TRIML2: variants seen among roughly 807,000 people sequenced by gnomAD.
TRIML2 encodes probable E3 ubiquitin-protein ligase TRIML2.
TRIML2 carries 28 observed loss-of-function variants against 31.2 expected under a neutral mutation model. The observed-to-expected ratio is 0.90, with a 90% CI of 0.66 to 1.23. The LOEUF is 1.23. Among genes scored for constraint, TRIML2 ranks in the 50% most tolerant of loss-of-function variants. The probability of loss-of-function intolerance (pLI) is 0.00; values close to 1 mark genes in which losing one functional copy is unlikely to be tolerated. For synonymous variants in TRIML2, 187 were observed against 197.5 expected (o/e 0.95, Z 0.45); for missense variants, 536 against 528.3 (o/e 1.01, Z -0.14).
At chr4:188,103,000 TC>T (rs1733865133) in intron 3 of TRIML2, among the ~76,000 whole-genome samples, 1 of 145,282 alleles carries the variant, frequency 6.9e-6, no homozygotes, top group Non-Finnish European at 1.5e-5. Flanking sequence ...GCTTTTACTC[TC>T]TTGGTTTTTT....
At chr4:188,092,389 A>G (rs1047617460) in intron 7 of TRIML2, among the ~76,000 whole-genome samples, 1 of 150,894 alleles carries the variant, frequency 6.6e-6, no homozygotes, top group Non-Finnish European at 1.5e-5. Context: ...TGAACCCAGG[A>G]GGCGGAGATT....
chr4:188,102,849 C>CA (rs566736942), intron 3 of TRIML2, among the ~76,000 whole-genome samples: 1,882 of 83,244 alleles, frequency 0.023, 41 homozygotes, highest in African/African-American at 0.071. Flanking sequence ...AACTTCATCT[C>CA]AAAAAAAAAA....
Position 188,091,742 on chromosome 4 carries a change from C to T in TRIML2, c.945G>A (p.Arg315=). ...YWEVDVEKAT[R]WQVGIYHGSA... ...AGCCGTGGTATATGCCCACTTGCCA[C>T]CTGGTTGCCTTTTCCACGTCCACCT... is the stretch of plus-strand genomic sequence containing the variant. The change falls in exon 8 of 8, where the codon AGG becomes AGA. Residue 315 remains arginine, a synonymous_variant. Transcript: ENST00000682553. 6.2e-7 allele frequency: 1 copy of T among 1,614,096 alleles called. No homozygotes were observed. Among genetic ancestry groups the T allele is most frequent in the Non-Finnish European group, 8.5e-7 (1 of 1,180,020 alleles).
intron 5 of TRIML2, among the ~76,000 whole-genome samples, chr4:188,097,827 A>T (rs970293084): frequency 6.6e-6 from 1 of 152,192 alleles, no homozygotes; most frequent in Admixed American, 6.5e-5. Flanking sequence ...GGACAGTCTT[A>T]AAAAGATAGT....
chr4:188,098,947 T>C lies in TRIML2; in HGVS notation c.621+88A>G, dbSNP rs748031153. 3.5e-6 allele frequency: 5 copies of C among 1,442,186 alleles called. No individual in the cohort carries two copies. In the East Asian group the frequency reaches 1.2e-4, roughly 34 times the overall value. 89.3% of individuals were successfully genotyped at this position (1,442,186 alleles called of 1,614,324 possible). ...TGGTTGAAGATCATTGGATATTGTG[T>C]TCTGACAGCAACCCCTAATGAGTAC... On this transcript the variant is annotated intron_variant, in intron 5 of 7. Transcript: ENST00000682553.
In TRIML2 at chr4:188,101,141, G is replaced by C; in HGVS notation, c.395C>G (p.Ser132Cys). Reference sequence around the variant, plus strand: ...AAGGGTTTCTCTCAGGTTCAAGTCAGATATGCATTCCTGCTGTCTCTGGAG... The same window carrying C: ...AAGGGTTTCTCTCAGGTTCAAGTCACATATGCATTCCTGCTGTCTCTGGAG... Reference protein sequence around the residue: ...QNLQRQQECISDLNLRETLLN... With the variant: ...QNLQRQQECICDLNLRETLLN... Residue 132 changes from serine to cysteine, a missense_variant, in exon 4 of 8, where the codon TCT (serine) becomes TGT (cysteine). Coordinates refer to ENST00000682553, the MANE Select transcript of TRIML2 (RefSeq NM_173553.4). The C allele has an allele frequency of 6.2e-7, 1 of 1,613,852 alleles. No individual in the cohort carries two copies. The highest frequency in any genetic ancestry group is 8.5e-7 in the Non-Finnish European group (1 of 1,179,942).
At chr4:188,092,398 T>C (rs1298613587) in intron 7 of TRIML2, among the ~76,000 whole-genome samples, 2 of 150,614 alleles carry the variant, frequency 1.3e-5, no homozygotes, top group Admixed American at 6.6e-5. Context: ...GAGGCGGAGA[T>C]TGCAGTGAGC....
At position 188,106,325 on chromosome 4, in the gene TRIML2, C is replaced by A. The variant is rs369367495; in HGVS notation, c.-222-735G>T. 8.0e-4 allele frequency among the ~76,000 whole-genome samples: 122 copies of A among 152,206 alleles called. 1 individual carries two copies. In the South Asian group the frequency reaches 0.018, roughly 22 times the overall value. On this transcript the variant is annotated intron_variant, in intron 1 of 7. Transcript: ENST00000682553. Reference sequence around the variant, plus strand: ...CTCGGCCTCCCAAAGTGCTGGGATTCCAGGCGTGAGCCACCGCGCCCGGCC... The same window carrying A: ...CTCGGCCTCCCAAAGTGCTGGGATTACAGGCGTGAGCCACCGCGCCCGGCC...
rs550486205 is a variant in TRIML2, at chr4:188,102,207, G to A, written c.286-957C>T. On this transcript the variant is annotated intron_variant, in intron 3 of 7. Coordinates refer to ENST00000682553, the MANE Select transcript of TRIML2 (RefSeq NM_173553.4). ...GCTATAGCCTCTGTCAAACAGAGGA[G>A]GAGACCAGGACATTGGAAAAGGGCC... Among the ~76,000 whole-genome samples, 10 of 152,038 alleles carry A rather than the reference G, an allele frequency of 6.6e-5. No individual in the cohort carries two copies. In the South Asian group the frequency reaches 2.1e-3, roughly 32 times the overall value.
chr4:188,091,848 C>G lies in TRIML2; in HGVS notation c.839G>C (p.Gly280Ala). Reference sequence around the variant, plus strand: ...ATCCAATCTTTCTGGGTTGCCAGCCCCATCCTGCTGCCCATGTCTCAATCT... The same window carrying G: ...ATCCAATCTTTCTGGGTTGCCAGCCGCATCCTGCTGCCCATGTCTCAATCT... ...TMRLRHGQQDGAGNPERLDFS... is the reference protein window; with the variant it reads ...TMRLRHGQQDAAGNPERLDFS... Residue 280 changes from glycine (G) to alanine (A), a missense_variant, in exon 8 of 8, where the codon GGG (glycine) becomes GCG (alanine). Physicochemically the swap from Gly to Ala is moderately conservative, Grantham distance 60. Coordinates refer to ENST00000682553, the MANE Select transcript of TRIML2 (RefSeq NM_173553.4). 1 of 1,614,148 alleles carries G rather than the reference C, an allele frequency of 6.2e-7. No homozygotes were observed. The highest frequency in any genetic ancestry group is 8.5e-7 in the Non-Finnish European group (1 of 1,180,048).
intron 7 of TRIML2, chr4:188,092,817 C>T (rs1372383936): frequency 2.2e-6 from 1 of 455,762 alleles, no homozygotes; most frequent in South Asian, 1.6e-5. Context: ...ATGAATTCCT[C>T]ACACCTGCAT....
At position 188,091,514 on chromosome 4, in the gene TRIML2, G is replaced by A; in HGVS notation, c.1173C>T (p.Leu391=). Residue 391 remains leucine (L), a synonymous_variant, in exon 8 of 8, where the codon CTC becomes CTT. Coordinates refer to ENST00000682553, the MANE Select transcript of TRIML2 (RefSeq NM_173553.4). ...ISFYNVTEMS[L]IYNFSHCAFQ... is the part of the protein sequence containing the mutation. ...AGGCGCAATGGGAGAAATTGTAAAT[G>A]AGGGACATCTCGGTCACATTGTAGA... The A allele has an allele frequency of 6.2e-7, 1 of 1,614,172 alleles. No homozygotes were observed. The highest frequency in any genetic ancestry group is 1.1e-5 in the South Asian group (1 of 91,084).
chr4:188,104,345 CT>C (rs1250067519), intron 3 of TRIML2, among the ~76,000 whole-genome samples: 2 of 151,994 alleles, frequency 1.3e-5, no homozygotes, highest in Non-Finnish European at 2.9e-5. Flanking sequence ...AATTTCTAGT[CT>C]TTTCCTTACT....
intron 3 of TRIML2, 111 bp from the exon 4 acceptor site, chr4:188,101,361 C>T (rs1579178644): frequency 1.8e-6 from 1 of 551,522 alleles, no homozygotes; most frequent in African/African-American, 1.9e-5. Context: ...ATATATCTTA[C>T]ACTGACCACA....
chr4:188,091,379 G>T lies in TRIML2; in HGVS notation c.1308C>A (p.Ser436Arg). 6.2e-7 allele frequency: 1 copy of T among 1,612,762 alleles called. No individual in the cohort carries two copies. The highest frequency in any genetic ancestry group is 1.3e-5 in the African/African-American group (1 of 74,986). Residue 436 changes from serine (S) to arginine (R), a missense_variant, in exon 8 of 8, where the codon AGC becomes AGA. By Grantham distance (110) the Ser-to-Arg change is moderately radical. Coordinates refer to ENST00000682553, the MANE Select transcript of TRIML2 (RefSeq NM_173553.4). ...GGATTTTACACACAGAAGATTAAGG[G>T]CTAACAGTAGCATCACAAGAAGGAC... ...QHGPSCDATV[S>R]P
In TRIML2 at chr4:188,104,857, C is replaced by T; in HGVS notation, c.265G>A (p.Glu89Lys). 1 of 1,613,978 alleles carries T rather than the reference C, an allele frequency of 6.2e-7. No homozygotes were observed. The highest frequency in any genetic ancestry group is 8.5e-7 in the Non-Finnish European group (1 of 1,179,910). ...AAKSILTDEQ[E>K]RMAMIQEEEQ... ...CTGACCTGAATCATCGCCATTCTTT[C>T]TTGCTCATCAGTCAATATGCTTTTA... is the stretch of plus-strand genomic sequence containing the variant. Residue 89 changes from glutamate to lysine, a missense_variant, in exon 3 of 8, where the codon GAA (glutamate) becomes AAA (lysine). Transcript: ENST00000682553.
At chr4:188,098,911 G>T in intron 5 of TRIML2, 124 bp downstream of exon 5, 1 of 1,125,632 alleles carries the variant, frequency 8.9e-7, no homozygotes, top group Non-Finnish European at 1.2e-6. Flanking sequence ...AAGTCATGTA[G>T]CCTTCTTTTG....
rs189544550 is a variant in TRIML2, at chr4:188,098,148, C to G, written c.622-802G>C. 392 of 304,616 alleles carry G rather than the reference C, an allele frequency of 1.3e-3. 1 individual carries two copies. The highest frequency in any genetic ancestry group is 8.1e-3 in the African/African-American group (365 of 44,788). The allele number at this position is 304,616 out of a possible 1,614,324, so 18.9% of individuals were successfully genotyped here. ...GAAAAAAAAAAAAAAAAAGGTAACC[C>G]ACTTTCTGAAAGGCAACGTATGTTA... On this transcript the variant is annotated intron_variant, in intron 5 of 7. Coordinates refer to ENST00000682553, the MANE Select transcript of TRIML2 (RefSeq NM_173553.4).
chr4:188,101,308 C>T, intron 3 of TRIML2, 58 bp from the exon 4 acceptor site: 2 of 1,055,924 alleles, frequency 1.9e-6, no homozygotes, highest in South Asian at 2.9e-5. Context: ...ACAACACACA[C>T]ACACGTCATA....
Sources: gnomAD v4.1 joint callset for allele counts (sites outside exome capture counted in the v4.1 genomes callset) on GRCh38, gnomAD v4.1.1 for gene constraint, MANE v1.5 for transcripts, NCBI Gene and HGNC (gene_info 2026-07-23, HGNC 2026-07-21) for gene names.